THSD4: variants seen among roughly 807,000 people sequenced by gnomAD.
The protein encoded by THSD4 is thrombospondin type-1 domain-containing protein 4.
In THSD4, 69 loss-of-function variants were observed where a neutral mutation model predicts 119.0. That is an observed-to-expected ratio of 0.58 (90% CI 0.48 to 0.71). THSD4 has a LOEUF of 0.71. Among genes scored for constraint, THSD4 ranks in the 30% least tolerant of loss-of-function variants. The pLI, the probability that THSD4 is intolerant of heterozygous loss-of-function variation, is 0.00. For synonymous variants in THSD4, 524 were observed against 540.4 expected, an observed-to-expected ratio of 0.97 and a Z score of 0.42; for missense variants, 1,393 against 1,391.1, an observed-to-expected ratio of 1.00 and a Z score of -0.02.
chr15:71,367,222 T>A, intron 6 of THSD4, among the ~76,000 whole-genome samples: 1 of 137,970 alleles, frequency 7.2e-6, no homozygotes, highest in East Asian at 2.8e-4. Flanking sequence ...GCTCTCTTTT[T>A]TTTTTTTATT....
At chr15:71,443,806 C>G (rs2047143420) in intron 7 of THSD4, among the ~76,000 whole-genome samples, 1 of 152,204 alleles carries the variant, frequency 6.6e-6, no homozygotes, top group Non-Finnish European at 1.5e-5. Flanking sequence ...AATGAAAGCA[C>G]AATGGGAAAA....
intron 6 of THSD4, among the ~76,000 whole-genome samples, chr15:71,320,784 T>C (rs1344505890): frequency 2.0e-5 from 3 of 152,210 alleles, no homozygotes; most frequent in African/African-American, 4.8e-5. Flanking sequence ...CCTTTTTCAG[T>C]TCTCTTTCAA....
chr15:71,246,254 G>C (rs2044199732), intron 5 of THSD4, among the ~76,000 whole-genome samples: 1 of 152,136 alleles, frequency 6.6e-6, no homozygotes, highest in African/African-American at 2.4e-5. Context: ...GCATGGTGCT[G>C]ACACATTGTT....
At chr15:71,576,776 C>T (rs1361031022) in intron 7 of THSD4, among the ~76,000 whole-genome samples, 1 of 152,148 alleles carries the variant, frequency 6.6e-6, no homozygotes, top group East Asian at 1.9e-4. Context: ...TTTTCTCCCC[C>T]TTTCAGATAA....
intron 6 of THSD4, among the ~76,000 whole-genome samples, chr15:71,297,254 T>C (rs2044875047): frequency 1.3e-5 from 2 of 152,224 alleles, no homozygotes; most frequent in Non-Finnish European, 1.5e-5. Context: ...TGTGTGCTTA[T>C]TGGCCATTCA....
At chr15:71,272,074 T>A (rs1237792588) in intron 6 of THSD4, among the ~76,000 whole-genome samples, 1 of 151,982 alleles carries the variant, frequency 6.6e-6, no homozygotes, top group East Asian at 1.9e-4. Flanking sequence ...TGCAAGAAAC[T>A]GAAACCACTT....
intron 15 of THSD4, among the ~76,000 whole-genome samples, chr15:71,763,367 TAA>T (rs2053657571): frequency 7.2e-6 from 1 of 139,402 alleles, no homozygotes; most frequent in Non-Finnish European, 1.5e-5. Context: ...GTCGATTCTT[TAA>T]AGTCTATAAT....
chr15:71,709,330 A>T (rs115486049), intron 8 of THSD4, among the ~76,000 whole-genome samples: 1 of 152,180 alleles, frequency 6.6e-6, no homozygotes, highest in Non-Finnish European at 1.5e-5. Flanking sequence ...GATGGGGGAA[A>T]AAAGGGTTTA....
At chr15:71,734,773 T>C (rs2053048819) in intron 10 of THSD4, among the ~76,000 whole-genome samples, 1 of 149,418 alleles carries the variant, frequency 6.7e-6, no homozygotes, top group Admixed American at 6.7e-5. Flanking sequence ...TCTGTACTTC[T>C]ACTCACTTTT....
chr15:71,366,265 G>A (rs1232637867), intron 6 of THSD4, among the ~76,000 whole-genome samples: 1 of 152,070 alleles, frequency 6.6e-6, no homozygotes, highest in Non-Finnish European at 1.5e-5. Context: ...TAGTACAGAC[G>A]GGGTTTCACC....
chr15:71,309,356 G>A (rs1231988871), intron 6 of THSD4, among the ~76,000 whole-genome samples: 1 of 152,154 alleles, frequency 6.6e-6, no homozygotes, highest in Non-Finnish European at 1.5e-5. Context: ...TAGGTTGCCT[G>A]TCTTTTTATT....
chr15:71,312,164 A>T lies in THSD4; in HGVS notation c.1015+55449A>T, dbSNP rs2045119407. 2.0e-5 allele frequency among the ~76,000 whole-genome samples: 3 copies of T among 152,140 alleles called. No individual in the cohort carries two copies. In the South Asian group the frequency reaches 6.2e-4, roughly 32 times the overall value. On this transcript the variant is annotated intron_variant, in intron 6 of 17. Transcript: ENST00000261862. ...TTCCAGTACCTCAGATTGTAACTGTATTTGGAGATAAGACCTTTAAAGAGG... is the reference window on the plus strand; with the variant it reads ...TTCCAGTACCTCAGATTGTAACTGTTTTTGGAGATAAGACCTTTAAAGAGG...
At chr15:71,736,848 C>T (rs1433573631) in intron 10 of THSD4, among the ~76,000 whole-genome samples, 1 of 152,196 alleles carries the variant, frequency 6.6e-6, no homozygotes, top group East Asian at 1.9e-4. Flanking sequence ...AAAGCAATAA[C>T]ATCTAAGGAC....
chr15:71,547,747 C>T, intron 7 of THSD4: 1 of 332,232 alleles, frequency 3.0e-6, no homozygotes, highest in East Asian at 5.7e-5. Flanking sequence ...TGACAGATGC[C>T]TGTAGCACGC....
rs553207592 is a variant in THSD4, at chr15:71,505,879, G to A, written c.1152+94056G>A. On this transcript the variant is annotated intron_variant, in intron 7 of 17. Coordinates refer to ENST00000261862, the MANE Select transcript of THSD4 (RefSeq NM_024817.3). ...GCTGGTTCTCTTTGTATAAGCAGAA[G>A]ATCCAGTTCTTTGTTTTGTTTCAAG... 4.6e-5 allele frequency among the ~76,000 whole-genome samples: 7 copies of A among 152,314 alleles called. No individual in the cohort carries two copies. In the South Asian group the frequency reaches 1.4e-3, roughly 32 times the overall value.
rs192695414 is a variant in THSD4, at chr15:71,750,137, T to C, written c.2415+1543T>C. On this transcript the variant is annotated intron_variant, in intron 14 of 17. Transcript: ENST00000261862. ...AGACAGAGGAGCCCAGCCATGTTCTTGGATCTTAGGAGACACGATGCAGCC... is the reference window on the plus strand; with the variant it reads ...AGACAGAGGAGCCCAGCCATGTTCTCGGATCTTAGGAGACACGATGCAGCC... Among the ~76,000 whole-genome samples, 188 of 152,244 alleles carry C rather than the reference T, an allele frequency of 1.2e-3. 1 individual carries two copies. The highest frequency in any genetic ancestry group is 4.4e-3 in the African/African-American group (181 of 41,538).
intron 3 of THSD4, among the ~76,000 whole-genome samples, chr15:71,165,801 G>A (rs1329721643): frequency 6.6e-6 from 1 of 152,136 alleles, no homozygotes; most frequent in Admixed American, 6.5e-5. Context: ...TGGTGGGCCA[G>A]CAGGCTGTTT....
chr15:71,180,153 C>A (rs1465997558), intron 3 of THSD4, among the ~76,000 whole-genome samples: 3 of 51,640 alleles, frequency 5.8e-5, no homozygotes, highest in Admixed American at 3.3e-4. Context: ...AAAAAAAAAA[C>A]ATTAAAAAAA....
At chr15:71,606,003 G>T (rs2050103609) in intron 7 of THSD4, among the ~76,000 whole-genome samples, 1 of 152,160 alleles carries the variant, frequency 6.6e-6, no homozygotes. Context: ...AAGCAGGGAG[G>T]AGTCATCACC....
Sources: gnomAD v4.1 joint callset for allele counts (sites outside exome capture counted in the v4.1 genomes callset) on GRCh38, gnomAD v4.1.1 for gene constraint, MANE v1.5 for transcripts, NCBI Gene and HGNC (gene_info 2026-07-23, HGNC 2026-07-21) for gene names.